Variants in FRS2 observed in about 807,000 individuals in gnomAD.
The protein encoded by FRS2 is FGFR signalling adaptor.
FRS2 carries 8 observed loss-of-function variants against 43.9 expected under a neutral mutation model. That is an observed-to-expected ratio of 0.18 (90% CI 0.11 to 0.33). The LOEUF is 0.33. Ranked by LOEUF, FRS2 falls within the 10% of genes least tolerant of loss-of-function variation. FRS2 has a pLI of 1.00. For synonymous variants in FRS2, 219 were observed against 220.3 expected (o/e 0.99, Z 0.05); for missense variants, 534 against 627.6 (o/e 0.85, Z 1.59).
chr12:69,499,916 G>A (rs958128315), intron 1 of FRS2, among the ~76,000 whole-genome samples: 2 of 152,062 alleles, frequency 1.3e-5, no homozygotes, highest in African/African-American at 4.8e-5. Context: ...AGAAAATGTG[G>A]AGAAAAAATT....
intron 7 of FRS2, among the ~76,000 whole-genome samples, chr12:69,571,904 G>A (rs1048599641): frequency 3.3e-5 from 5 of 151,952 alleles, no homozygotes; most frequent in African/African-American, 7.3e-5. Flanking sequence ...AAACACAGCC[G>A]TAGTTCTAAG....
At chr12:69,496,777 G>A (rs186917252) in intron 1 of FRS2, among the ~76,000 whole-genome samples, 2 of 152,106 alleles carry the variant, frequency 1.3e-5, no homozygotes, top group African/African-American at 4.8e-5. Context: ...TACAAAAATC[G>A]TTGCTTAGGG....
intron 4 of FRS2, among the ~76,000 whole-genome samples, chr12:69,566,751 CGAT>C (rs1267176635): frequency 1.3e-5 from 2 of 152,088 alleles, no homozygotes; most frequent in Non-Finnish European, 2.9e-5. Flanking sequence ...CAGTAGAGTA[CGAT>C]AAAGGCCACA....
chr12:69,568,260 A>G (rs572972742), intron 4 of FRS2, among the ~76,000 whole-genome samples: 6 of 152,260 alleles, frequency 3.9e-5, no homozygotes, highest in Admixed American at 2.6e-4. Flanking sequence ...TCTCTTACCA[A>G]TGCGCTATTC....
intron 1 of FRS2, among the ~76,000 whole-genome samples, chr12:69,505,090 C>G (rs710793): frequency 2.6e-5 from 4 of 152,164 alleles, no homozygotes; most frequent in African/African-American, 9.6e-5. Context: ...AACTTCTGGC[C>G]TCTAGTGATC....
At chr12:69,474,441 T>C (rs183569452) in intron 1 of FRS2, among the ~76,000 whole-genome samples, 21 of 152,194 alleles carry the variant, frequency 1.4e-4, no homozygotes, top group African/African-American at 4.3e-4. Flanking sequence ...AAAAAACTTC[T>C]GTTTTAAATG....
chr12:69,502,621 C>T (rs1398358804), intron 1 of FRS2, among the ~76,000 whole-genome samples: 2 of 151,990 alleles, frequency 1.3e-5, no homozygotes, highest in Non-Finnish European at 2.9e-5. Context: ...CTCAGTATTC[C>T]GCAGAGAACA....
intron 2 of FRS2, among the ~76,000 whole-genome samples, chr12:69,531,499 G>A (rs568968492): frequency 3.9e-5 from 6 of 151,992 alleles, no homozygotes; most frequent in South Asian, 2.1e-4. Flanking sequence ...AATTTGTTTC[G>A]TATGTTTCTT....
rs1363510784 is a variant in FRS2 at position 69,577,625 on chromosome 12, C to A, written c.*2670C>A. The A allele has an allele frequency of 2.0e-5, 3 of 152,524 alleles. No individual in the cohort carries two copies. The highest frequency in any genetic ancestry group is 6.5e-5 in the Admixed American group (1 of 15,278). The allele number at this position is 152,524 out of a possible 1,614,324, so 9.4% of individuals were successfully genotyped here. On this transcript the variant is annotated 3_prime_UTR_variant, in exon 9 of 9. Transcript: ENST00000549921. The stretch of plus-strand genomic sequence containing the variant: ...AGAATACTGTTTTATCCATACAAAT[C>A]ATAACAGCATCTATCCCATGCTAGG...
intron 8 of FRS2, 106 bp downstream of exon 8, chr12:69,572,387 T>C: frequency 1.1e-6 from 1 of 885,040 alleles, no homozygotes; most frequent in Non-Finnish European, 1.8e-6. Flanking sequence ...ACTTTATCTG[T>C]TTGTAAATTA....
chr12:69,496,239 A>G (rs796101261), intron 1 of FRS2, among the ~76,000 whole-genome samples: 15 of 152,290 alleles, frequency 9.8e-5, no homozygotes, highest in African/African-American at 3.6e-4. Flanking sequence ...GATCGAGACC[A>G]TCCTGGCTAA....
intron 1 of FRS2, among the ~76,000 whole-genome samples, chr12:69,524,710 C>T (rs890639722): frequency 5.7e-4 from 87 of 152,114 alleles, no homozygotes; most frequent in Admixed American, 1.4e-3. Context: ...CATCCCTGGC[C>T]GTGTTCCACT....
chr12:69,512,507 A>G (rs11177698), intron 1 of FRS2, among the ~76,000 whole-genome samples: 8,652 of 152,256 alleles, frequency 0.057, 604 homozygotes, highest in East Asian at 0.38. Context: ...ATGCAGAAGA[A>G]CTTTTTTCTA....
At chr12:69,493,049 C>A (rs1003100372) in intron 1 of FRS2, among the ~76,000 whole-genome samples, 2 of 152,110 alleles carry the variant, frequency 1.3e-5, no homozygotes, top group Non-Finnish European at 2.9e-5. Flanking sequence ...TATTAAGATA[C>A]CAAGCAAAAC....
At chr12:69,556,780 A>T (rs928365648) in intron 3 of FRS2, among the ~76,000 whole-genome samples, 1 of 152,222 alleles carries the variant, frequency 6.6e-6, no homozygotes, top group African/African-American at 2.4e-5. Flanking sequence ...ATTTAACATG[A>T]ATCTTGAAAT....
intron 1 of FRS2, among the ~76,000 whole-genome samples, chr12:69,490,540 T>C (rs565045296): frequency 6.6e-6 from 1 of 152,200 alleles, no homozygotes; most frequent in African/African-American, 2.4e-5. Flanking sequence ...CTTCTTAGGT[T>C]CTTTACAAAA....
At chr12:69,497,846 G>C (rs927931412) in intron 1 of FRS2, among the ~76,000 whole-genome samples, 1 of 152,212 alleles carries the variant, frequency 6.6e-6, no homozygotes, top group Non-Finnish European at 1.5e-5. Context: ...ACTTGGGTGA[G>C]ATAGAAAGTC....
intron 3 of FRS2, among the ~76,000 whole-genome samples, chr12:69,538,466 G>A (rs1435498048): frequency 1.3e-5 from 2 of 151,744 alleles, no homozygotes; most frequent in African/African-American, 4.8e-5. Context: ...CTTTTTATAT[G>A]TTTAAGCTAA....
chr12:69,502,911 G>A (rs1873589134), intron 1 of FRS2, among the ~76,000 whole-genome samples: 1 of 152,136 alleles, frequency 6.6e-6, no homozygotes, highest in Admixed American at 6.6e-5. Flanking sequence ...GCCGCCTACA[G>A]CCTTTCCCTC....
Sources: allele counts gnomAD v4.1 joint callset (sites outside exome capture counted in the v4.1 genomes callset), GRCh38; gene constraint gnomAD v4.1.1; transcripts MANE v1.5; gene names NCBI Gene and HGNC (gene_info 2026-07-23, HGNC 2026-07-21).